POTEJ: variants seen among roughly 807,000 people sequenced by gnomAD.
The protein encoded by POTEJ is POTE ankyrin domain family, member J.
A neutral mutation model predicts 69.0 loss-of-function variants in POTEJ; 11 were observed. The ratio of observed to expected loss-of-function variants is 0.16; its 90% CI spans 0.10 to 0.26. The LOEUF is 0.26. POTEJ is among the 10% of genes least tolerant of loss of function. The pLI, the probability that POTEJ is intolerant of heterozygous loss-of-function variation, is 1.00. For synonymous variants in POTEJ, 117 were observed against 381.1 expected (o/e 0.31, Z 8.07); for missense variants, 327 against 1,045.5 (o/e 0.31, Z 9.48).
chr2:130,643,170 A>C (rs544922553), intron 10 of POTEJ, among the ~76,000 whole-genome samples: 1 of 146,204 alleles, frequency 6.8e-6, no homozygotes, highest in South Asian at 2.1e-4. Context: ...AGCCTCAAGG[A>C]AGGAGGTACC....
At chr2:130,612,605 T>C (rs1201678782) in intron 1 of POTEJ, among the ~76,000 whole-genome samples, 1 of 150,524 alleles carries the variant, frequency 6.6e-6, no homozygotes, top group South Asian at 2.1e-4. Flanking sequence ...CTAAAAATTA[T>C]AAAAAAAATT....
intron 1 of POTEJ, among the ~76,000 whole-genome samples, chr2:130,613,214 T>C (rs1268603263): frequency 6.8e-6 from 1 of 146,024 alleles, no homozygotes; most frequent in Non-Finnish European, 1.5e-5. Context: ...AAATGCCTAT[T>C]TATATACGCA....
At position 130,657,589 on chromosome 2, in the gene POTEJ, C is replaced by T; in HGVS notation, c.2829C>T (p.Asn943=). The T allele has an allele frequency of 6.5e-7, 1 of 1,542,720 alleles. No individual in the cohort carries two copies. Among genetic ancestry groups the T allele is most frequent in the Non-Finnish European group, 8.8e-7 (1 of 1,134,600 alleles). ...GTGGCATCCATGAAACTACCTTCAA[C>T]TCCATCATGAAGTCTGATGTGGACA... ...ESCGIHETTF[N]SIMKSDVDIR... Residue 943 remains asparagine (N), a synonymous_variant, in exon 15 of 15, where the codon AAC becomes AAT. Coordinates refer to ENST00000409602, the MANE Select transcript of POTEJ (RefSeq NM_001277083.2).
intron 7 of POTEJ, among the ~76,000 whole-genome samples, chr2:130,630,866 A>G (rs1685872184): frequency 6.9e-6 from 1 of 143,920 alleles, no homozygotes; most frequent in African/African-American, 2.7e-5. Context: ...AATCTCAATT[A>G]AAATTGGAGA....
At chr2:130,624,734 T>C (rs1294396855) in intron 6 of POTEJ, among the ~76,000 whole-genome samples, 2 of 151,984 alleles carry the variant, frequency 1.3e-5, no homozygotes, top group Non-Finnish European at 2.9e-5. Context: ...AAGTAAGGAA[T>C]TTTTGATCAC....
intron 1 of POTEJ, among the ~76,000 whole-genome samples, chr2:130,613,139 C>A: frequency 7.1e-6 from 1 of 140,312 alleles, no homozygotes; most frequent in African/African-American, 2.7e-5. Flanking sequence ...TTTTATGTCA[C>A]AAAAATAAGA....
chr2:130,629,055 T>G (rs1395947674), intron 6 of POTEJ, among the ~76,000 whole-genome samples: 1 of 152,320 alleles, frequency 6.6e-6, no homozygotes, highest in Non-Finnish European at 1.5e-5. Context: ...AATAAATATG[T>G]CCGAATCGTG....
At chr2:130,640,907 G>T (rs1362532115) in intron 10 of POTEJ, among the ~76,000 whole-genome samples, 7 of 152,234 alleles carry the variant, frequency 4.6e-5, no homozygotes, top group Admixed American at 1.3e-4. Context: ...TGCTGCAGGG[G>T]CTCATTGGAG....
intron 13 of POTEJ, among the ~76,000 whole-genome samples, chr2:130,651,572 A>T (rs1398631454): frequency 4.7e-5 from 6 of 126,466 alleles, no homozygotes; most frequent in East Asian, 2.1e-4. Context: ...TAACCAGAAG[A>T]GTTCTCTGTA....
Position 130,611,699 on chromosome 2 carries a change from C to T in POTEJ, c.167C>T (p.Thr56Ile). ...GACCAGGACGACTCCACTATGAAGA[C>T]ACTCAGGAGCAAGATGGGCAAGTGG... ...SGDQDDSTMK[T>I]LRSKMGKWCC... Residue 56 changes from threonine to isoleucine, a missense_variant, in exon 1 of 15, where the codon ACA becomes ATA. Physicochemically the swap from Thr to Ile is moderately conservative, Grantham distance 89 (BLOSUM62 -1). Coordinates refer to ENST00000409602, the MANE Select transcript of POTEJ (RefSeq NM_001277083.2). The T allele has an allele frequency of 1.9e-6, 3 of 1,547,708 alleles. No homozygotes were observed. Among genetic ancestry groups the T allele is most frequent in the South Asian group, 1.1e-5 (1 of 89,810 alleles).
intron 9 of POTEJ, among the ~76,000 whole-genome samples, chr2:130,636,859 A>G (rs371898295): frequency 0.018 from 2,488 of 140,892 alleles, 151 homozygotes; most frequent in African/African-American, 0.026. Context: ...TTGGGAGGCC[A>G]AGGCAGGCGG....
At chr2:130,650,942 G>A (rs1340699187) in intron 13 of POTEJ, among the ~76,000 whole-genome samples, 227 of 25,834 alleles carry the variant, frequency 8.8e-3, no homozygotes, top group African/African-American at 0.033. Context: ...CATGACACCC[G>A]GCTAATTTTT....
chr2:130,638,443 C>G (rs1686191038), intron 9 of POTEJ, among the ~76,000 whole-genome samples, 176 bp from the exon 10 acceptor site: 1 of 150,358 alleles, frequency 6.7e-6, no homozygotes. Context: ...TTTTTTTCTT[C>G]TTTAATTAGA....
In POTEJ at chr2:130,638,198, A is replaced by G. The variant is rs1376836847; in HGVS notation, c.1299-421A>G. On this transcript the variant is annotated intron_variant, in intron 9 of 14. Transcript: ENST00000409602. ...TGTTTTACTATTTCTTTGAGCATTTAAAAAAATGTTATCTTGTTAAATCAT... is the reference window on the plus strand; with the variant it reads ...TGTTTTACTATTTCTTTGAGCATTTGAAAAAATGTTATCTTGTTAAATCAT... Among the ~76,000 whole-genome samples the G allele has an allele frequency of 2.4e-5, 3 of 125,642 alleles. No individual in the cohort carries two copies. In the East Asian group the frequency reaches 7.8e-4, roughly 33 times the overall value. 82.4% of individuals were successfully genotyped at this position (125,642 alleles called of 152,430 possible). A position where few individuals can be genotyped will look rare whatever the true frequency, so the allele number is the denominator to read the frequency against.
chr2:130,648,383 C>T (rs1686669370), intron 13 of POTEJ, among the ~76,000 whole-genome samples: 1 of 140,484 alleles, frequency 7.1e-6, no homozygotes, highest in African/African-American at 2.8e-5. Context: ...TTACATCATT[C>T]TCAGTCATGA....
In POTEJ at chr2:130,655,004, A is replaced by G; in HGVS notation, c.1751A>G (p.Glu584Gly). 1 of 939,246 alleles carries G rather than the reference A, an allele frequency of 1.1e-6. No homozygotes were observed. The allele number at this position is 939,246 out of a possible 1,614,324, so 58.2% of individuals were successfully genotyped here. ...ILHDEILIHEEKQIEVVEKMN... is the reference protein window; with the variant it reads ...ILHDEILIHEGKQIEVVEKMN... ...CACGATGAGATTCTGATTCATGAAG[A>G]AAAGCAGATAGAAGTGGTTGAAAAA... The change falls in exon 14 of 15, where the codon GAA becomes GGA. Residue 584 changes from glutamate (E) to glycine (G), a missense_variant. Glu to Gly is a moderately conservative substitution (Grantham distance 98). Transcript: ENST00000409602.
At chr2:130,641,338 T>C (rs545938070) in intron 10 of POTEJ, among the ~76,000 whole-genome samples, 3 of 151,502 alleles carry the variant, frequency 2.0e-5, no homozygotes, top group African/African-American at 7.3e-5. Flanking sequence ...GTGAAATAAA[T>C]AATGTTAGAA....
In POTEJ at chr2:130,656,175, T is replaced by G. The variant is rs538515613; in HGVS notation, c.1789-374T>G. Among the ~76,000 whole-genome samples, 11 of 145,336 alleles carry G rather than the reference T, an allele frequency of 7.6e-5. No individual in the cohort carries two copies. In the East Asian group the frequency reaches 2.2e-3, roughly 28 times the overall value. ...GAGTGTAAACCTAATCTTAAAAATG[T>G]AGTCAAATTGTTAATCTTATATTTT... On this transcript the variant is annotated intron_variant, in intron 14 of 14. Transcript: ENST00000409602.
intron 10 of POTEJ, among the ~76,000 whole-genome samples, chr2:130,643,199 C>T (rs1282039889): frequency 1.3e-3 from 184 of 145,896 alleles, no homozygotes; most frequent in Middle Eastern, 0.011. Context: ...TGGGGAAAGA[C>T]ATGCAGAATG....
Sources: gnomAD v4.1 joint callset for allele counts (sites outside exome capture counted in the v4.1 genomes callset) on GRCh38, gnomAD v4.1.1 for gene constraint, MANE v1.5 for transcripts, NCBI Gene and HGNC (gene_info 2026-07-23, HGNC 2026-07-21) for gene names.